ARHGEF3: variants seen among roughly 807,000 people sequenced by gnomAD.
ARHGEF3 encodes the protein 59.8 kDA protein.
Under a neutral mutation model 63.2 loss-of-function variants are expected in ARHGEF3, and 28 were observed. That is an observed-to-expected ratio of 0.44 (90% CI 0.33 to 0.61). The LOEUF is 0.61. Ranked by LOEUF, ARHGEF3 falls within the 20% of genes least tolerant of loss-of-function variation. The pLI is 0.03. For synonymous variants in ARHGEF3, 266 were observed against 254.2 expected, an observed-to-expected ratio of 1.05 and a Z score of -0.44; for missense variants, 533 against 659.3, an observed-to-expected ratio of 0.81 and a Z score of 2.10.
At chr3:56,985,985 A>G (rs191892516) in intron 2 of ARHGEF3, among the ~76,000 whole-genome samples, 1 of 152,302 alleles carries the variant, frequency 6.6e-6, no homozygotes, top group African/African-American at 2.4e-5. Context: ...AAAGACTCTC[A>G]AAGAGCCAGG....
At chr3:56,954,529 T>C (rs1020086119) in intron 3 of ARHGEF3, among the ~76,000 whole-genome samples, 1 of 152,254 alleles carries the variant, frequency 6.6e-6, no homozygotes, top group Middle Eastern at 3.4e-3. Context: ...TACTGTTCCT[T>C]CCATGTCCAC....
At chr3:56,961,289 G>A (rs1268615448) in intron 2 of ARHGEF3, among the ~76,000 whole-genome samples, 2 of 152,080 alleles carry the variant, frequency 1.3e-5, no homozygotes, top group African/African-American at 4.8e-5. Flanking sequence ...ATATGATATA[G>A]TGGGAACATT....
intron 7 of ARHGEF3, among the ~76,000 whole-genome samples, chr3:56,741,496 CTTTTTTTTTTT>C (rs71072191): frequency 2.1e-3 from 106 of 50,538 alleles, no homozygotes; most frequent in African/African-American, 7.4e-3. Context: ...TACATTGGTT[CTTTTTTTTTTT>C]TTTTTTTTTT....
At chr3:56,785,950 G>C (rs2036783408) in intron 1 of ARHGEF3, among the ~76,000 whole-genome samples, 1 of 152,174 alleles carries the variant, frequency 6.6e-6, no homozygotes, top group African/African-American at 2.4e-5. Flanking sequence ...CAACGGTTTT[G>C]AGCAGACAGG....
chr3:56,767,301 G>T (rs1454069328), intron 2 of ARHGEF3, among the ~76,000 whole-genome samples: 2 of 151,746 alleles, frequency 1.3e-5, no homozygotes, highest in South Asian at 2.1e-4. Context: ...ATGCACATGC[G>T]GCCGGGCGCG....
intron 3 of ARHGEF3, among the ~76,000 whole-genome samples, chr3:56,913,511 T>C (rs2041908504): frequency 6.6e-6 from 1 of 151,848 alleles, no homozygotes; most frequent in African/African-American, 2.4e-5. Context: ...AAATTAGAAG[T>C]GTTGGTGAGG....
chr3:56,916,014 T>G (rs2041978575), intron 3 of ARHGEF3, among the ~76,000 whole-genome samples: 1 of 152,104 alleles, frequency 6.6e-6, no homozygotes, highest in South Asian at 2.1e-4. Context: ...CTCCAATCAC[T>G]TATGCTAAAG....
At chr3:56,895,517 G>A (rs1393467759) in intron 3 of ARHGEF3, among the ~76,000 whole-genome samples, 1 of 151,322 alleles carries the variant, frequency 6.6e-6, no homozygotes, top group Non-Finnish European at 1.5e-5. Flanking sequence ...AGGTTGGAGT[G>A]CAGTGGCGCT....
chr3:56,972,217 G>T (rs1700944217), intron 2 of ARHGEF3, among the ~76,000 whole-genome samples: 1 of 152,110 alleles, frequency 6.6e-6, no homozygotes, highest in South Asian at 2.1e-4. Context: ...TCAAGCCCAA[G>T]TCCATCAAAT....
intron 3 of ARHGEF3, among the ~76,000 whole-genome samples, chr3:56,933,795 T>C (rs2042475641): frequency 1.3e-5 from 2 of 152,194 alleles, no homozygotes; most frequent in Non-Finnish European, 2.9e-5. Context: ...TCTGACTCTG[T>C]GTCCCCACCC....
At chr3:56,941,616 T>A (rs1272421119) in intron 3 of ARHGEF3, among the ~76,000 whole-genome samples, 1 of 152,202 alleles carries the variant, frequency 6.6e-6, no homozygotes, top group African/African-American at 2.4e-5. Context: ...AGTTCTTTTT[T>A]AATTATTCTA....
chr3:56,754,024 G>T (rs2034922630), intron 3 of ARHGEF3, among the ~76,000 whole-genome samples: 4 of 152,192 alleles, frequency 2.6e-5, no homozygotes, highest in African/African-American at 9.6e-5. Flanking sequence ...TCAGCAGAAA[G>T]TTTTATTTGT....
Position 56,783,835 on chromosome 3 carries a change from G to A in ARHGEF3, c.97-10019C>T, listed in dbSNP as rs970719884. ...TTGTCCTGGCAGCAAGCCCAAATCT[G>A]TTATTTTATTAGTCTGCTACTGGTT... On this transcript the variant is annotated intron_variant, in intron 1 of 9. Transcript: ENST00000296315. Among the ~76,000 whole-genome samples the A allele has an allele frequency of 1.2e-4, 18 of 152,252 alleles. No homozygotes were observed. The East Asian group carries it at 3.3e-3, about 28-fold the overall frequency.
chr3:57,052,670 C>T (rs567975705), intron 1 of ARHGEF3, among the ~76,000 whole-genome samples: 2 of 152,246 alleles, frequency 1.3e-5, no homozygotes, highest in South Asian at 2.1e-4. Flanking sequence ...TTATGGAACA[C>T]GGCAAGACAC....
At chr3:56,809,847 C>T (rs1386073901) in intron 4 of ARHGEF3, among the ~76,000 whole-genome samples, 3 of 152,114 alleles carry the variant, frequency 2.0e-5, no homozygotes, top group South Asian at 4.2e-4. Context: ...ATTCTCCTGC[C>T]TCAGACTCCT....
chr3:56,783,771 T>C (rs1469669304), intron 1 of ARHGEF3, among the ~76,000 whole-genome samples: 3 of 152,194 alleles, frequency 2.0e-5, no homozygotes, highest in African/African-American at 7.2e-5. Context: ...ACTTTCAAAG[T>C]TACTCGTTTT....
chr3:57,058,532 T>C (rs1705040713), intron 1 of ARHGEF3, among the ~76,000 whole-genome samples: 1 of 152,182 alleles, frequency 6.6e-6, no homozygotes, highest in Non-Finnish European at 1.5e-5. Flanking sequence ...GGAAAACTTT[T>C]ACACTGTTGG....
intron 4 of ARHGEF3, among the ~76,000 whole-genome samples, chr3:56,831,887 G>A (rs937846393): frequency 6.6e-6 from 1 of 152,226 alleles, no homozygotes; most frequent in Non-Finnish European, 1.5e-5. Flanking sequence ...CTTGGTGGCA[G>A]AAGGTTCTCT....
chr3:56,891,255 CAA>C (rs2041108791), intron 3 of ARHGEF3, among the ~76,000 whole-genome samples: 1 of 151,386 alleles, frequency 6.6e-6, no homozygotes, highest in Non-Finnish European at 1.5e-5. Flanking sequence ...TGAGCTCAAG[CAA>C]TCCTCTCGCC....
Sources: allele counts gnomAD v4.1 joint callset (sites outside exome capture counted in the v4.1 genomes callset), GRCh38; gene constraint gnomAD v4.1.1; transcripts MANE v1.5; gene names NCBI Gene and HGNC (gene_info 2026-07-23, HGNC 2026-07-21).